Variants in TBC1D1 observed in about 807,000 individuals in gnomAD.
TBC1D1 encodes TBC1 domain family member 1, also known as TBC1 (tre-2/USP6, BUB2, cdc16) domain family, member 1.
Under a neutral mutation model 125.6 loss-of-function variants are expected in TBC1D1, and 89 were observed. The ratio of observed to expected loss-of-function variants is 0.71; its 90% CI spans 0.60 to 0.85. The LOEUF (loss-of-function observed/expected upper bound fraction) is 0.85, where lower values mean the gene tolerates loss of function less well. Among genes scored for constraint, TBC1D1 ranks in the 40% least tolerant of loss-of-function variants. The pLI is 0.00. For missense variants in TBC1D1, 1,377 were observed against 1,469.2 expected, an observed-to-expected ratio of 0.94 and a Z score of 1.03; for synonymous variants, 565 against 564.1, an observed-to-expected ratio of 1.00 and a Z score of -0.02.
chr4:38,107,215 G>C, intron 15 of TBC1D1, among the ~76,000 whole-genome samples: 1 of 152,158 alleles, frequency 6.6e-6, no homozygotes, highest in East Asian at 1.9e-4. Flanking sequence ...GCCTAGACCC[G>C]GCAGTGGAGT....
At chr4:38,063,816 A>G (rs905091173) in intron 12 of TBC1D1, among the ~76,000 whole-genome samples, 1 of 152,016 alleles carries the variant, frequency 6.6e-6, no homozygotes, top group Non-Finnish European at 1.5e-5. Flanking sequence ...TTTACTAGAG[A>G]CGGGGTTTCA....
At chr4:38,042,912 G>C (rs931614535) in intron 8 of TBC1D1, among the ~76,000 whole-genome samples, 2 of 152,018 alleles carry the variant, frequency 1.3e-5, no homozygotes, top group African/African-American at 4.8e-5. Context: ...GTGTGTGTTT[G>C]TATTTTTGAG....
At position 38,026,495 on chromosome 4, in the gene TBC1D1, C is replaced by T. The variant is rs574988701; in HGVS notation, c.1211-1293C>T. On this transcript the variant is annotated intron_variant, in intron 6 of 19. Coordinates refer to ENST00000261439, the MANE Select transcript of TBC1D1 (RefSeq NM_015173.4). ...TCAGCAGATTTCCCTCCCTGCCATCCGTAGTGATGTAGGTGCCTCGCACAC... is the reference window on the plus strand; with the variant it reads ...TCAGCAGATTTCCCTCCCTGCCATCTGTAGTGATGTAGGTGCCTCGCACAC... 4.6e-5 allele frequency among the ~76,000 whole-genome samples: 7 copies of T among 152,354 alleles called. No homozygotes were observed. The South Asian group carries it at 1.0e-3, about 23-fold the overall frequency.
chr4:37,891,733 A>C (rs1713369841), intron 1 of TBC1D1, among the ~76,000 whole-genome samples: 1 of 141,134 alleles, frequency 7.1e-6, no homozygotes, highest in Non-Finnish European at 1.5e-5. Flanking sequence ...ACCCCAAGCC[A>C]CGCTTTAAAA....
intron 2 of TBC1D1, among the ~76,000 whole-genome samples, chr4:37,943,202 T>C (rs1473430779): frequency 6.6e-6 from 1 of 152,244 alleles, no homozygotes; most frequent in African/African-American, 2.4e-5. Context: ...TGCCGAGAGA[T>C]CTGCTGTTAG....
chr4:37,978,010 T>A (rs1733593569), intron 2 of TBC1D1, among the ~76,000 whole-genome samples: 1 of 152,214 alleles, frequency 6.6e-6, no homozygotes, highest in Non-Finnish European at 1.5e-5. Flanking sequence ...AAGGGGCGTC[T>A]GTCTTTCGTT....
intron 2 of TBC1D1, among the ~76,000 whole-genome samples, chr4:37,998,536 C>A (rs1450097298): frequency 6.6e-6 from 1 of 152,172 alleles, no homozygotes; most frequent in Non-Finnish European, 1.5e-5. Context: ...ACCGGGCCTC[C>A]TTGCTCTTAG....
intron 19 of TBC1D1, among the ~76,000 whole-genome samples, chr4:38,135,890 ATATG>A (rs1311738352): frequency 6.8e-6 from 1 of 147,972 alleles, no homozygotes; most frequent in Non-Finnish European, 1.5e-5. Flanking sequence ...GTGTGTGTAT[ATATG>A]TGTGTGTGTA....
At chr4:37,965,545 C>G (rs1730899163) in intron 2 of TBC1D1, among the ~76,000 whole-genome samples, 1 of 151,926 alleles carries the variant, frequency 6.6e-6, no homozygotes, top group Admixed American at 6.6e-5. Flanking sequence ...GGGAGGTGAT[C>G]CCTGCACTGA....
intron 2 of TBC1D1, among the ~76,000 whole-genome samples, chr4:37,927,954 A>T (rs1389696411): frequency 1.3e-5 from 2 of 152,222 alleles, no homozygotes; most frequent in Non-Finnish European, 2.9e-5. Context: ...AATTCAGGTC[A>T]TTATTGTCCC....
intron 12 of TBC1D1, among the ~76,000 whole-genome samples, chr4:38,066,687 G>A (rs1668666912): frequency 6.6e-6 from 1 of 152,010 alleles, no homozygotes; most frequent in Non-Finnish European, 1.5e-5. Context: ...AGCTATGCAT[G>A]CCCCCCCTGG....
At chr4:38,099,994 C>A (rs1307991139) in intron 14 of TBC1D1, among the ~76,000 whole-genome samples, 6 of 152,050 alleles carry the variant, frequency 3.9e-5, no homozygotes, top group Middle Eastern at 3.2e-3. Flanking sequence ...GGGAAAATTT[C>A]CCAGTTTGAG....
At chr4:37,907,386 G>GT (rs980418593) in intron 2 of TBC1D1, among the ~76,000 whole-genome samples, 56 of 151,582 alleles carry the variant, frequency 3.7e-4, no homozygotes, top group African/African-American at 9.9e-4. Flanking sequence ...CTATCTAGCA[G>GT]TTTTTTTTTC....
chr4:37,934,091 G>T (rs1242449411), intron 2 of TBC1D1, among the ~76,000 whole-genome samples: 1 of 152,224 alleles, frequency 6.6e-6, no homozygotes, highest in Admixed American at 6.5e-5. Context: ...GACTGACTGG[G>T]AGACAGCTAA....
intron 13 of TBC1D1, among the ~76,000 whole-genome samples, chr4:38,095,394 C>G (rs1759153261): frequency 6.6e-6 from 1 of 152,204 alleles, no homozygotes; most frequent in African/African-American, 2.4e-5. Context: ...AACAGTAGCT[C>G]TCTTCATATA....
Position 38,117,951 on chromosome 4 carries a change from C to T in TBC1D1, c.2803-82C>T, listed in dbSNP as rs191979176. The T allele has an allele frequency of 1.0e-4, 134 of 1,293,170 alleles. 1 individual carries two copies. The East Asian group carries it at 3.1e-3, about 30-fold the overall frequency. 80.1% of individuals were successfully genotyped at this position (1,293,170 alleles called of 1,614,324 possible). ...TAAAGTTCTAGTAAGTCTTCTCTTACACCCACCCTGTGAGCAGTAGGCATA... is the reference window on the plus strand; with the variant it reads ...TAAAGTTCTAGTAAGTCTTCTCTTATACCCACCCTGTGAGCAGTAGGCATA... On this transcript the variant is annotated intron_variant, in intron 16 of 19. Transcript: ENST00000261439.
At chr4:38,072,644 A>G (rs1234910600) in intron 12 of TBC1D1, among the ~76,000 whole-genome samples, 1 of 152,226 alleles carries the variant, frequency 6.6e-6, no homozygotes, top group Non-Finnish European at 1.5e-5. Flanking sequence ...TAAACATAAT[A>G]CTACCATCTA....
In TBC1D1 at chr4:37,977,689, C is replaced by A. The variant is rs1733480067; in HGVS notation, c.418-36820C>A. Among the ~76,000 whole-genome samples, 1 of 152,060 alleles carries A rather than the reference C, an allele frequency of 6.6e-6. No individual in the cohort carries two copies. Among genetic ancestry groups the A allele is most frequent in the South Asian group, 2.1e-4 (1 of 4,826 alleles). On this transcript the variant is annotated intron_variant, in intron 2 of 19. Coordinates refer to ENST00000261439, the MANE Select transcript of TBC1D1 (RefSeq NM_015173.4). This position sits in a 1 kb window ranked among gnomAD's most constrained non-coding sequence, Gnocchi z 4.3. ...ACCAGGTCGTTAGCCGCGCGTTTCT[C>A]ATTCATTAGTCTCCCAGATCCCTGT...
chr4:37,986,151 C>T (rs184710541), intron 2 of TBC1D1, among the ~76,000 whole-genome samples: 1 of 152,278 alleles, frequency 6.6e-6, no homozygotes, highest in African/African-American at 2.4e-5. Context: ...GGTGGTCATT[C>T]TAGTAGGATT....
Sources: allele counts gnomAD v4.1 joint callset (sites outside exome capture counted in the v4.1 genomes callset), GRCh38; gene constraint gnomAD v4.1.1; non-coding constraint Gnocchi (gnomAD v3.1); transcripts MANE v1.5; gene names NCBI Gene and HGNC (gene_info 2026-07-23, HGNC 2026-07-21).